The following KIF21A variants were observed in gnomAD, a reference collection of about 807,000 sequenced individuals.
The protein encoded by KIF21A is kinesin family member 21A.
A neutral mutation model predicts 202.9 loss-of-function variants in KIF21A; 114 were observed. The ratio of observed to expected loss-of-function variants is 0.56; its 90% CI spans 0.48 to 0.66. The LOEUF is 0.66. Ranked by LOEUF, KIF21A falls within the 30% of genes least tolerant of loss-of-function variation. The pLI is 0.00. For missense variants in KIF21A, 1,677 were observed against 1,994.9 expected, an observed-to-expected ratio of 0.84 and a Z score of 3.04; for synonymous variants, 667 against 670.8, an observed-to-expected ratio of 0.99 and a Z score of 0.09.
At chr12:39,315,063 T>C (rs1565707707) in intron 31 of KIF21A, among the ~76,000 whole-genome samples, 166 bp downstream of exon 31, 1 of 151,984 alleles carries the variant, frequency 6.6e-6, no homozygotes, top group Non-Finnish European at 1.5e-5. Flanking sequence ...CATTTTGAAA[T>C]ATAAAATCAA....
At chr12:39,353,546 T>C (rs1355403549) in intron 10 of KIF21A, among the ~76,000 whole-genome samples, 3 of 152,150 alleles carry the variant, frequency 2.0e-5, no homozygotes, top group African/African-American at 7.2e-5. Flanking sequence ...CTTTTCTATA[T>C]TTTTAATTTC....
intron 1 of KIF21A, among the ~76,000 whole-genome samples, chr12:39,382,774 C>T (rs202043549): frequency 1.3e-5 from 2 of 150,996 alleles, no homozygotes; most frequent in East Asian, 2.0e-4. Flanking sequence ...AAACAATTAA[C>T]AAGCCATATT....
At chr12:39,394,024 G>T (rs1951555641) in intron 1 of KIF21A, among the ~76,000 whole-genome samples, 1 of 152,192 alleles carries the variant, frequency 6.6e-6, no homozygotes, top group African/African-American at 2.4e-5. Flanking sequence ...ACCAGGTCAG[G>T]CATATTCCGG....
Position 39,318,140 on chromosome 12 carries a change from G to C in KIF21A, c.3841C>G (p.Arg1281Gly). ...SPPSSPPSRPRNELNVFNRLT... is the reference protein window; with the variant it reads ...SPPSSPPSRPGNELNVFNRLT... ...CGATTAAAAACATTCAGTTCATTAC[G>C]GGGCCGGCTTGGTGGGGAAGAAGGA... Residue 1281 changes from arginine (R) to glycine (G), a missense_variant, in exon 29 of 38, where the codon CGT (arginine) becomes GGT (glycine). Transcript: ENST00000361418. The C allele has an allele frequency of 3.1e-6, 5 of 1,613,402 alleles. No individual in the cohort carries two copies. The highest frequency in any genetic ancestry group is 4.2e-6 in the Non-Finnish European group (5 of 1,179,518).
intron 1 of KIF21A, among the ~76,000 whole-genome samples, chr12:39,428,545 C>A (rs566461249): frequency 4.9e-4 from 74 of 152,252 alleles, no homozygotes; most frequent in Middle Eastern, 3.4e-3. Context: ...TCTTATTTAA[C>A]CATGGTAATT....
chr12:39,382,345 A>G (rs1202147625), intron 1 of KIF21A, among the ~76,000 whole-genome samples: 1 of 152,198 alleles, frequency 6.6e-6, no homozygotes, highest in Non-Finnish European at 1.5e-5. Flanking sequence ...ATTCCTGCAC[A>G]TGATAAGATG....
At chr12:39,423,551 T>TAA (rs59669052) in intron 1 of KIF21A, among the ~76,000 whole-genome samples, 16 of 145,940 alleles carry the variant, frequency 1.1e-4, no homozygotes, top group East Asian at 4.0e-4. Flanking sequence ...TCATTTTTGT[T>TAA]AAAAAAAAAA....
At chr12:39,426,198 T>C (rs1954733187) in intron 1 of KIF21A, among the ~76,000 whole-genome samples, 1 of 152,234 alleles carries the variant, frequency 6.6e-6, no homozygotes, top group South Asian at 2.1e-4. Flanking sequence ...AGAATTGGAA[T>C]ATTTTAAGAA....
intron 1 of KIF21A, among the ~76,000 whole-genome samples, chr12:39,408,814 TG>T (rs947962013): frequency 3.0e-5 from 4 of 132,522 alleles, no homozygotes; most frequent in South Asian, 2.7e-4. Flanking sequence ...GGGCTTTTGT[TG>T]GTTTTTTTTT....
intron 1 of KIF21A, among the ~76,000 whole-genome samples, chr12:39,373,273 T>C (rs531333239): frequency 6.6e-6 from 1 of 152,256 alleles, no homozygotes; most frequent in East Asian, 1.9e-4. Context: ...CCAGCTATGC[T>C]CTCTCTTGTT....
intron 1 of KIF21A, among the ~76,000 whole-genome samples, chr12:39,438,906 G>C (rs76374899): frequency 0.068 from 10,339 of 152,218 alleles, 535 homozygotes; most frequent in South Asian, 0.28. Context: ...TGAGTTAACT[G>C]TTTGGTTCAA....
Position 39,318,125 on chromosome 12 carries a change from CAT to C in KIF21A, c.3854_3855del (p.Asn1285SerfsTer3), listed in dbSNP as rs756383425. On this transcript the variant is annotated frameshift_variant, in exon 29 of 38. Coordinates refer to ENST00000361418, the MANE Select transcript of KIF21A (RefSeq NM_001173464.2). LOFTEE classifies it high-confidence loss of function. Reference protein sequence around the residue: ...SPPSRPRNELNVFNRLTVSQG... With the variant: ...SPPSRPRNELXVFNRLTVSQG... ...TGAGAAACAGTAAGACGATTAAAAA[CAT>C]TCAGTTCATTACGGGGCCGGCTTGG... 1 of 1,613,038 alleles carries C rather than the reference CAT, an allele frequency of 6.2e-7. No homozygotes were observed. Among genetic ancestry groups the C allele is most frequent in the African/African-American group, 1.3e-5 (1 of 74,816 alleles).
chr12:39,341,059 C>T lies in KIF21A; in HGVS notation c.1957G>A (p.Glu653Lys). 1.9e-6 allele frequency: 3 copies of T among 1,610,690 alleles called. No homozygotes were observed. Among genetic ancestry groups the T allele is most frequent in the Non-Finnish European group, 8.5e-7 (1 of 1,178,008 alleles). ...ATCAGCTTTTGCTTAATTGCAATTT[C>T]ACAAGTAATGTTTGCCAAGTCTGCT... ...YQADLANITCEIAIKQKLIDE... is the reference protein window; with the variant it reads ...YQADLANITCKIAIKQKLIDE... Residue 653 changes from glutamate (E) to lysine (K), a missense_variant, in exon 15 of 38, where the codon GAA (glutamate) becomes AAA (lysine). Around this residue, in one of 3 missense-constraint regions of KIF21A, gnomAD observed 966 missense variants for 1,180.9 expected, o/e 0.82. Coordinates refer to ENST00000361418, the MANE Select transcript of KIF21A (RefSeq NM_001173464.2).
At chr12:39,430,537 G>A (rs998704216) in intron 1 of KIF21A, among the ~76,000 whole-genome samples, 6 of 151,184 alleles carry the variant, frequency 4.0e-5, no homozygotes, top group Non-Finnish European at 7.4e-5. Flanking sequence ...TTGCACTCCA[G>A]CCTGGGGGAC....
chr12:39,380,631 A>G (rs982223277), intron 1 of KIF21A, among the ~76,000 whole-genome samples: 16 of 151,824 alleles, frequency 1.1e-4, no homozygotes, highest in Non-Finnish European at 1.9e-4. Flanking sequence ...TGAAGAGGAG[A>G]GGACCGCTTG....
chr12:39,373,731 T>C (rs917775889), intron 1 of KIF21A, among the ~76,000 whole-genome samples: 5 of 152,214 alleles, frequency 3.3e-5, no homozygotes, highest in South Asian at 2.1e-4. Context: ...GCCATTTGAA[T>C]TGCAGATACG....
chr12:39,436,486 G>A, intron 1 of KIF21A, among the ~76,000 whole-genome samples: 1 of 128,246 alleles, frequency 7.8e-6, no homozygotes, highest in African/African-American at 3.0e-5. Context: ...TGTTACCCAG[G>A]CTGGAGTGCT....
At chr12:39,368,749 A>C (rs1020056583) in intron 3 of KIF21A, among the ~76,000 whole-genome samples, 4 of 151,974 alleles carry the variant, frequency 2.6e-5, no homozygotes, top group African/African-American at 4.8e-5. Context: ...AAAAAAAAAA[A>C]CTGATACTAA....
At chr12:39,415,156 T>G (rs1953446642) in intron 1 of KIF21A, among the ~76,000 whole-genome samples, 1 of 151,802 alleles carries the variant, frequency 6.6e-6, no homozygotes, top group South Asian at 2.1e-4. Context: ...AGTCAGTTTT[T>G]TTTGTTTTGT....
Sources: gnomAD v4.1 joint callset for allele counts (sites outside exome capture counted in the v4.1 genomes callset) on GRCh38, gnomAD v4.1.1 for gene constraint, gnomAD v4.1.1 regional missense constraint, MANE v1.5 for transcripts, NCBI Gene and HGNC (gene_info 2026-07-23, HGNC 2026-07-21) for gene names.